The following MEMO1 variants were observed in gnomAD, a reference collection of about 807,000 sequenced individuals.
MEMO1 encodes the protein mediator of cell motility 1.
A neutral mutation model predicts 45.2 loss-of-function variants in MEMO1; 6 were observed. The observed-to-expected ratio is 0.13, with a 90% confidence interval of 0.07 to 0.26. The LOEUF is 0.26. Ranked by LOEUF, MEMO1 falls within the 10% of genes least tolerant of loss-of-function variation. MEMO1 has a pLI of 1.00. For synonymous variants in MEMO1, 78 were observed against 124.3 expected, an observed-to-expected ratio of 0.63 and a Z score of 2.48; for missense variants, 184 against 370.5, an observed-to-expected ratio of 0.50 and a Z score of 4.13.
At chr2:31,967,505 G>T (rs1668776518) in intron 2 of MEMO1, among the ~76,000 whole-genome samples, 1 of 152,122 alleles carries the variant, frequency 6.6e-6, no homozygotes, top group Non-Finnish European at 1.5e-5. Flanking sequence ...CTGGAGTGCA[G>T]TGGCATAATT....
chr2:32,007,782 G>A (rs549054834), intron 2 of MEMO1, among the ~76,000 whole-genome samples: 51 of 152,214 alleles, frequency 3.4e-4, no homozygotes, highest in African/African-American at 1.1e-3. Context: ...ATCAATGTAG[G>A]TACACTGACA....
At chr2:31,945,916 A>C (rs1572767023) in intron 2 of MEMO1, among the ~76,000 whole-genome samples, 1 of 152,206 alleles carries the variant, frequency 6.6e-6, no homozygotes, top group African/African-American at 2.4e-5. Flanking sequence ...ACTATTTACT[A>C]TTTATCTTGA....
intron 8 of MEMO1, among the ~76,000 whole-genome samples, chr2:31,877,685 C>T (rs560309084): frequency 2.6e-5 from 4 of 152,224 alleles, no homozygotes; most frequent in Admixed American, 6.5e-5. Context: ...CTAATACATA[C>T]GTGTGTAAGT....
intron 6 of MEMO1, among the ~76,000 whole-genome samples, chr2:31,914,795 A>C (rs955378468): frequency 1.3e-5 from 2 of 151,604 alleles, no homozygotes; most frequent in African/African-American, 2.4e-5. Flanking sequence ...CTCTTAAAAA[A>C]AAAGTTTTTA....
chr2:31,921,478 A>G (rs1458617531), intron 4 of MEMO1, among the ~76,000 whole-genome samples: 1 of 152,138 alleles, frequency 6.6e-6, no homozygotes, highest in Non-Finnish European at 1.5e-5. Context: ...CCAGTTATCA[A>G]TTAATACAGT....
chr2:31,969,592 T>TGG (rs1669108063), intron 2 of MEMO1, among the ~76,000 whole-genome samples: 1 of 69,502 alleles, frequency 1.4e-5, no homozygotes, highest in Non-Finnish European at 3.7e-5. Context: ...TGTGGGTGTG[T>TGG]GTGTGTGTGT....
At chr2:31,909,680 T>C (rs1015551542) in intron 6 of MEMO1, among the ~76,000 whole-genome samples, 2 of 152,208 alleles carry the variant, frequency 1.3e-5, no homozygotes, top group Non-Finnish European at 2.9e-5. Flanking sequence ...TAAATGTCCA[T>C]ACTACCCAAC....
At chr2:31,959,304 A>G (rs1358208484) in intron 2 of MEMO1, among the ~76,000 whole-genome samples, 2 of 152,202 alleles carry the variant, frequency 1.3e-5, no homozygotes, top group Non-Finnish European at 2.9e-5. Flanking sequence ...TGATGACAAT[A>G]GAAATGTTAG....
intron 6 of MEMO1, among the ~76,000 whole-genome samples, chr2:31,907,786 AACACAC>A (rs3065385): frequency 2.1e-3 from 301 of 145,386 alleles, no homozygotes; most frequent in Non-Finnish European, 2.6e-3. Flanking sequence ...CCGTGTCTTA[AACACAC>A]ACACACACAC....
intron 4 of MEMO1, among the ~76,000 whole-genome samples, chr2:31,922,560 A>G (rs919909799): frequency 2.0e-5 from 3 of 152,014 alleles, no homozygotes; most frequent in African/African-American, 7.2e-5. Flanking sequence ...GGTTTGGTGT[A>G]CAGATTATTT....
intron 2 of MEMO1, among the ~76,000 whole-genome samples, chr2:32,000,282 T>A (rs1673123911): frequency 1.3e-5 from 2 of 151,580 alleles, no homozygotes; most frequent in South Asian, 4.2e-4. Flanking sequence ...CAGACTGGAG[T>A]GCAGTGGTGC....
intron 2 of MEMO1, among the ~76,000 whole-genome samples, chr2:31,987,289 T>C (rs151178398): frequency 1.7e-4 from 26 of 152,268 alleles, no homozygotes; most frequent in African/African-American, 5.3e-4. Flanking sequence ...GTGAGCCACC[T>C]TGCCTGGACC....
chr2:31,984,835 A>T (rs762354072), intron 2 of MEMO1, among the ~76,000 whole-genome samples: 1 of 152,166 alleles, frequency 6.6e-6, no homozygotes, highest in African/African-American at 2.4e-5. Context: ...AAAGGAAAGA[A>T]AGGACATTAG....
chr2:31,937,047 T>C (rs1470830517), intron 3 of MEMO1, among the ~76,000 whole-genome samples: 3 of 152,232 alleles, frequency 2.0e-5, no homozygotes, highest in Non-Finnish European at 4.4e-5. Context: ...GGGATCAATT[T>C]GATTGACAAC....
At chr2:31,917,876 G>A in intron 6 of MEMO1, 50 bp downstream of exon 6, 1 of 1,271,882 alleles carries the variant, frequency 7.9e-7, no homozygotes, top group South Asian at 1.4e-5. Context: ...AATTACCAAA[G>A]AAATTAATGT....
intron 2 of MEMO1, among the ~76,000 whole-genome samples, chr2:31,980,617 G>A (rs1670524579): frequency 6.6e-6 from 1 of 151,936 alleles, no homozygotes; most frequent in African/African-American, 2.4e-5. Context: ...TATATAAGAT[G>A]ATATAGGATA....
chr2:31,876,609 ATTGACATCTCTAC>A (rs1262870348), intron 8 of MEMO1, among the ~76,000 whole-genome samples: 1 of 152,170 alleles, frequency 6.6e-6, no homozygotes, highest in Non-Finnish European at 1.5e-5. Flanking sequence ...TGTCTACCTA[ATTGACATCTCTAC>A]TTAGATGTCT....
chr2:31,974,590 C>A (rs973149410), intron 2 of MEMO1, among the ~76,000 whole-genome samples: 2 of 151,984 alleles, frequency 1.3e-5, no homozygotes, highest in Non-Finnish European at 2.9e-5. Flanking sequence ...ACTAAAAACA[C>A]AAAAATTAGC....
chr2:31,986,254 C>T (rs1671242979), intron 2 of MEMO1, among the ~76,000 whole-genome samples: 1 of 152,038 alleles, frequency 6.6e-6, no homozygotes, highest in Non-Finnish European at 1.5e-5. Context: ...AAAAAATTAG[C>T]CGGGCGTGGT....
Sources: gnomAD v4.1 joint callset for allele counts (sites outside exome capture counted in the v4.1 genomes callset) on GRCh38, gnomAD v4.1.1 for gene constraint, MANE v1.5 for transcripts, NCBI Gene and HGNC (gene_info 2026-07-23, HGNC 2026-07-21) for gene names.